The following CCND3 variants were observed in gnomAD, a reference collection of about 807,000 sequenced individuals.
CCND3 encodes cyclin D3.
A neutral mutation model predicts 28.7 loss-of-function variants in CCND3; 9 were observed. The observed-to-expected ratio is 0.31, with a 90% CI of 0.19 to 0.55. The LOEUF (loss-of-function observed/expected upper bound fraction) is 0.55, where lower values mean the gene tolerates loss of function less well. Ranked by LOEUF, CCND3 falls within the 20% of genes least tolerant of loss-of-function variation. The pLI, the probability that CCND3 is intolerant of heterozygous loss-of-function variation, is 0.93. For missense variants in CCND3, 315 were observed against 385.8 expected (o/e 0.82, Z 1.54); for synonymous variants, 164 against 163.9 (o/e 1.00, Z 0.00).
chr6:41,967,971 T>C (rs552874051), intron 1 of CCND3, among the ~76,000 whole-genome samples: 6 of 152,338 alleles, frequency 3.9e-5, no homozygotes, highest in African/African-American at 1.4e-4. Context: ...ATAAATTCCC[T>C]TTAAAAGGTC....
rs971219780 is a variant in CCND3 at position 41,936,842 on chromosome 6, T to G, written c.575-147A>C. 6.4e-5 allele frequency: 47 copies of G among 734,242 alleles called. No individual in the cohort carries two copies. The South Asian group carries it at 8.0e-4, about 12-fold the overall frequency. The allele number at this position is 734,242 out of a possible 1,614,324, so 45.5% of individuals were successfully genotyped here. ...CTCCAGCAGTGGGTGGGGCAAGATA[T>G]CAGCAAGGGAGGAAGACAGGAAAGA... is the stretch of plus-strand genomic sequence containing the variant. On this transcript the variant is annotated intron_variant, in intron 3 of 4. Coordinates refer to ENST00000372991, the MANE Select transcript of CCND3 (RefSeq NM_001760.5). The surrounding 1 kb of genome is among the most constrained non-coding windows in gnomAD (Gnocchi z 4.4).
chr6:42,043,313 GGATCCT>G (rs898219448), intron 1 of CCND3, among the ~76,000 whole-genome samples: 8 of 152,226 alleles, frequency 5.3e-5, no homozygotes, highest in Admixed American at 3.9e-4. Flanking sequence ...CGAGGCGGAT[GGATCCT>G]GAGGTCAGGA....
intron 1 of CCND3, among the ~76,000 whole-genome samples, chr6:41,985,350 G>C (rs566758469): frequency 3.2e-5 from 2 of 62,730 alleles, no homozygotes; most frequent in South Asian, 1.1e-3. Flanking sequence ...TTTCGTTCTT[G>C]TTGCCCAGGC....
At chr6:42,028,508 C>T (rs1404015093) in intron 1 of CCND3, among the ~76,000 whole-genome samples, 9 of 152,228 alleles carry the variant, frequency 5.9e-5, no homozygotes, top group Admixed American at 4.6e-4. Context: ...GCCACACTGT[C>T]GGCTGCTATT....
At chr6:42,005,126 T>A (rs1763139074) in intron 1 of CCND3, among the ~76,000 whole-genome samples, 1 of 152,212 alleles carries the variant, frequency 6.6e-6, no homozygotes, top group Admixed American at 6.6e-5. Context: ...ATGTCACTAA[T>A]GAGCATATAT....
At chr6:42,003,169 A>AAG (rs1763064656) in intron 1 of CCND3, among the ~76,000 whole-genome samples, 1 of 135,180 alleles carries the variant, frequency 7.4e-6, no homozygotes, top group South Asian at 2.4e-4. Context: ...TGTCAAAAAA[A>AAG]AAAAAAAGAG....
chr6:42,004,683 C>T (rs1763127982), intron 1 of CCND3, among the ~76,000 whole-genome samples: 1 of 152,138 alleles, frequency 6.6e-6, no homozygotes, highest in South Asian at 2.1e-4. Flanking sequence ...TGACCTGAGA[C>T]TGCACCACTG....
chr6:41,971,736 C>T (rs1207464178), intron 1 of CCND3, among the ~76,000 whole-genome samples: 1 of 150,982 alleles, frequency 6.6e-6, no homozygotes, highest in African/African-American at 2.4e-5. Flanking sequence ...GACGGGGTTT[C>T]GCCGTGTTGG....
intron 1 of CCND3, 90 bp from the exon 2 acceptor site, chr6:41,940,675 G>A: frequency 1.7e-5 from 16 of 921,094 alleles, no homozygotes; most frequent in Middle Eastern, 4.3e-4. Flanking sequence ...GTGGGATAGG[G>A]AGCAAAAACG....
chr6:41,937,072 A>T (rs922909433), intron 3 of CCND3, 163 bp downstream of exon 3: 20 of 734,800 alleles, frequency 2.7e-5, no homozygotes, highest in Non-Finnish European at 4.3e-5. Context: ...GATCCCATAT[A>T]GCTGATTATA....
rs374693216 is a variant in CCND3 at position 42,018,189 on chromosome 6, G to A, written c.-46+30312C>T. Among the ~76,000 whole-genome samples, 691 of 151,792 alleles carry A rather than the reference G, an allele frequency of 4.6e-3. 3 individuals carry two copies. Among genetic ancestry groups the A allele is most frequent in the South Asian group, 0.035 (169 of 4,790 alleles). On this transcript the variant is annotated intron_variant, in intron 1 of 4. Transcript: ENST00000372988. ...TAAAAGTAAAACGTCCACCTGAGAA[G>A]CCTTTATTTGTTTGTTTGTTTGAGA... is the stretch of plus-strand genomic sequence containing the variant.
At chr6:42,004,443 CTATT>C (rs1258057077) in intron 1 of CCND3, among the ~76,000 whole-genome samples, 3 of 152,080 alleles carry the variant, frequency 2.0e-5, no homozygotes, top group African/African-American at 7.2e-5. Context: ...CAGAATAACT[CTATT>C]TATGGCTGGG....
intron 1 of CCND3, among the ~76,000 whole-genome samples, chr6:41,954,256 A>AAAAAAAAAAAAAAAAAAAAAG (rs1776385270): frequency 1.1e-5 from 1 of 88,598 alleles, no homozygotes; most frequent in Non-Finnish European, 2.4e-5. Context: ...GCCTTAAAAA[A>AAAAAAAAAAAAAAAAAAAAAG]AAAAAAAAAA....
intron 1 of CCND3, among the ~76,000 whole-genome samples, chr6:41,975,221 T>C (rs532691604): frequency 6.6e-6 from 1 of 152,310 alleles, no homozygotes; most frequent in Admixed American, 6.5e-5. Context: ...GAAAGCACTT[T>C]CTCTTCCACT....
chr6:42,001,863 C>T (rs944814242), intron 1 of CCND3, among the ~76,000 whole-genome samples: 4 of 152,108 alleles, frequency 2.6e-5, no homozygotes, highest in African/African-American at 9.7e-5. Context: ...GCCTATAATC[C>T]CAGAACTTTG....
At position 41,941,445 on chromosome 6, in the gene CCND3, G is replaced by A. The variant is rs772889403; in HGVS notation, c.198+7C>T. On this transcript the variant is annotated splice_region_variant and intron_variant, in intron 1 of 4. Coordinates refer to ENST00000372991, the MANE Select transcript of CCND3 (RefSeq NM_001760.5). This position sits in a 1 kb window ranked among gnomAD's most constrained non-coding sequence, Gnocchi z 6.1. ...CGGTGGGGGAGGGGGACGCGTCCGG[G>A]CGGTACCTCCAGCATCCAGTAAGCC... The A allele has an allele frequency of 6.2e-7, 1 of 1,607,706 alleles. No homozygotes were observed. Among genetic ancestry groups the A allele is most frequent in the East Asian group, 2.3e-5 (1 of 44,414 alleles).
chr6:42,010,916 A>G (rs1763327936), intron 1 of CCND3: 1 of 152,034 alleles, frequency 6.6e-6, no homozygotes, highest in African/African-American at 2.4e-5. Context: ...GCACAGTTTT[A>G]GTTTCACAGG....
chr6:41,941,554 G>A lies in CCND3; in HGVS notation c.96C>T (p.Leu32=), dbSNP rs572116433. ...GGGGTACGTAGCGCTCCTCCAGGCGGAGCAGGCTCTGCAGGACACGCTGGT... is the reference window on the plus strand; with the variant it reads ...GGGGTACGTAGCGCTCCTCCAGGCGAAGCAGGCTCTGCAGGACACGCTGGT... The part of the protein sequence containing the change: ...LGDQRVLQSL[L]RLEERYVPRA... The change falls in exon 1 of 5, where the codon CTC becomes CTT. Residue 32 remains leucine (L), a synonymous_variant. Transcript: ENST00000372991. The surrounding 1 kb of genome is among the most constrained non-coding windows in gnomAD (Gnocchi z 6.1). 2 of 1,592,244 alleles carry A rather than the reference G, an allele frequency of 1.3e-6. No individual in the cohort carries two copies. The highest frequency in any genetic ancestry group is 1.1e-5 in the South Asian group (1 of 87,996).
At chr6:41,937,838 T>C (rs1775859339) in intron 2 of CCND3, 1 of 178,160 alleles carries the variant, frequency 5.6e-6, no homozygotes, top group African/African-American at 2.4e-5. Context: ...AAAGGGGAGA[T>C]CACCACTAGC....
Sources: gnomAD v4.1 joint callset for allele counts (sites outside exome capture counted in the v4.1 genomes callset) on GRCh38, gnomAD v4.1.1 for gene constraint, Gnocchi (gnomAD v3.1) non-coding constraint, MANE v1.5 for transcripts, NCBI Gene and HGNC (gene_info 2026-07-23, HGNC 2026-07-21) for gene names.